NOTCH1: variants seen among roughly 807,000 people sequenced by gnomAD.
NOTCH1 encodes notch receptor 1.
In NOTCH1, 37 loss-of-function variants were observed where a neutral mutation model predicts 254.8. The ratio of observed to expected loss-of-function variants is 0.15; its 90% CI spans 0.11 to 0.19. The LOEUF (loss-of-function observed/expected upper bound fraction) is 0.19. Ranked by LOEUF, NOTCH1 falls within the 10% of genes least tolerant of loss-of-function variation. The probability of loss-of-function intolerance (pLI) is 1.00; values close to 1 mark genes in which losing one functional copy is unlikely to be tolerated. For synonymous variants in NOTCH1, 1,731 were observed against 1,618.1 expected (o/e 1.07, Z -1.68); for missense variants, 2,972 against 3,708.6 (o/e 0.80, Z 5.16).
Position 136,505,728 on chromosome 9 carries a change from G to T in NOTCH1, c.4168C>A (p.Pro1390Thr), listed in dbSNP as rs191645600. The T allele has an allele frequency of 1.1e-3, 1,818 of 1,595,712 alleles. 3 individuals are homozygous for T. The highest frequency in any genetic ancestry group is 1.5e-3 in the Non-Finnish European group (1,744 of 1,169,086). ...GPECQFPASSPCLGGNPCYNQ... is the reference protein window; with the variant it reads ...GPECQFPASSTCLGGNPCYNQ... ...TAGCAGGGGTTGCCGCCCAGGCAGG[G>T]GCTGCTGGCCGGGAACTGGCATTCG... is the stretch of plus-strand genomic sequence containing the variant. The change falls in exon 25 of 34, where the codon CCC (proline) becomes ACC (threonine). Residue 1390 changes from proline to threonine, a missense_variant. This residue lies in a region of NOTCH1 where 1,343 missense variants were observed against 1,557.0 expected (regional missense o/e 0.86). Transcript: ENST00000651671.
Position 136,497,258 on chromosome 9 carries a change from G to A in NOTCH1, c.6481C>T (p.Pro2161Ser), listed in dbSNP as rs201518848. The part of the protein sequence containing the change: ...PGVQGKKVRK[P>S]SSKGLACGSK... ...CCACAGGCCAGGCCTTTGCTGCTGG[G>A]CTTGCGGACCTTCTTGCCCTGCACG... The change falls in exon 34 of 34, where the codon CCC becomes TCC. Residue 2161 changes from proline (P) to serine (S), a missense_variant. Pro to Ser is a moderately conservative substitution (Grantham distance 74). Around this residue, in one of 8 missense-constraint regions of NOTCH1, gnomAD observed 529 missense variants for 529.2 expected, o/e 1.00. Coordinates refer to ENST00000651671, the MANE Select transcript of NOTCH1 (RefSeq NM_017617.5). 9.9e-5 allele frequency: 160 copies of A among 1,611,622 alleles called. No individual in the cohort carries two copies. Among genetic ancestry groups the A allele is most frequent in the Non-Finnish European group, 1.2e-4 (147 of 1,179,904 alleles).
At position 136,515,624 on chromosome 9, in the gene NOTCH1, T is replaced by C; in HGVS notation, c.1762A>G (p.Thr588Ala). ...GTGTAGCCTGGGCGGCAGAGGCAGG[T>C]GAAGGTGGCGACGCCGTCCTTGCAG... Reference protein sequence around the residue: ...GSCKDGVATFTCLCRPGYTGH... With the variant: ...GSCKDGVATFACLCRPGYTGH... The change falls in exon 11 of 34, where the codon ACC (threonine) becomes GCC (alanine). Residue 588 changes from threonine (T) to alanine (A), a missense_variant. Thr to Ala is a moderately conservative substitution (Grantham distance 58). Transcript: ENST00000651671. 6.2e-7 allele frequency: 1 copy of C among 1,602,950 alleles called. No homozygotes were observed. Among genetic ancestry groups the C allele is most frequent in the South Asian group, 1.1e-5 (1 of 90,378 alleles).
At chr9:136,519,713 C>A in intron 4 of NOTCH1, 148 bp from the exon 5 acceptor site, 1 of 1,094,590 alleles carries the variant, frequency 9.1e-7, no homozygotes, top group Non-Finnish European at 1.4e-6. Flanking sequence ...CCCTGCCTCA[C>A]TCCAGTGCCC....
At chr9:136,498,563 C>T (rs559637909) in intron 33 of NOTCH1, among the ~76,000 whole-genome samples, 123 of 152,182 alleles carry the variant, frequency 8.1e-4, no homozygotes, top group Non-Finnish European at 1.6e-3. Flanking sequence ...GTCCAGGTGA[C>T]GGTGACACAG....
rs772144212 is a variant in NOTCH1 at position 136,512,974 on chromosome 9, C to CAG, written c.2467+46_2467+47insCT. The CAG allele has an allele frequency of 7.2e-4, 506 of 705,838 alleles. 1 individual carries two copies. The highest frequency in any genetic ancestry group is 1.0e-3 in the South Asian group (67 of 65,964). 43.7% of individuals were successfully genotyped at this position (705,838 alleles called of 1,614,324 possible). A position where few individuals can be genotyped will look rare whatever the true frequency, so the allele number is the denominator to read the frequency against. On this transcript the variant is annotated intron_variant, in intron 15 of 33. Coordinates refer to ENST00000651671, the MANE Select transcript of NOTCH1 (RefSeq NM_017617.5). Reference sequence around the variant, plus strand: ...CTCTCCAGCACAGGTCCCGCCCCTCCCACATAGGCCCCGCCCCCTCCAGCA... The same window carrying CAG: ...CTCTCCAGCACAGGTCCCGCCCCTCCAGCACATAGGCCCCGCCCCCTCCAGCA...
chr9:136,501,699 G>A (rs753725875), intron 30 of NOTCH1, 49 bp downstream of exon 30: 23 of 1,601,766 alleles, frequency 1.4e-5, no homozygotes, highest in Non-Finnish European at 2.0e-5. Context: ...AGGGGAGAGA[G>A]GCAGGTGGGC....
chr9:136,507,628 G>C (rs1329242648), intron 21 of NOTCH1, among the ~76,000 whole-genome samples, 191 bp from the exon 22 acceptor site: 1 of 152,212 alleles, frequency 6.6e-6, no homozygotes, highest in Non-Finnish European at 1.5e-5. Flanking sequence ...CTCGGTGACC[G>C]GAGTCACTGC....
intron 2 of NOTCH1, among the ~76,000 whole-genome samples, chr9:136,536,694 C>T (rs1843662806): frequency 6.6e-6 from 1 of 152,238 alleles, no homozygotes; most frequent in Non-Finnish European, 1.5e-5. Flanking sequence ...CAGATGGGGT[C>T]CCACAGCACT....
rs1444447250 is a variant in NOTCH1, at chr9:136,495,909, A to G, written c.*162T>C. 3 of 743,346 alleles carry G rather than the reference A, an allele frequency of 4.0e-6. No individual in the cohort carries two copies. Among genetic ancestry groups the G allele is most frequent in the Non-Finnish European group, 6.3e-6 (3 of 478,788 alleles). 46.0% of individuals were successfully genotyped at this position (743,346 alleles called of 1,614,324 possible). A position where few individuals can be genotyped will look rare whatever the true frequency, so the allele number is the denominator to read the frequency against. On this transcript the variant is annotated 3_prime_UTR_variant, in exon 34 of 34. Coordinates refer to ENST00000651671, the MANE Select transcript of NOTCH1 (RefSeq NM_017617.5). ...AGGCAGTGTTTCTGTGTAAAATAAA[A>G]GTACATAAATAAATACTAAAAAAAA...
rs1842906328 is a variant in NOTCH1 at position 136,495,905 on chromosome 9, T to G, written c.*166A>C. 1.4e-6 allele frequency: 1 copy of G among 728,908 alleles called. No individual in the cohort carries two copies. The highest frequency in any genetic ancestry group is 2.8e-5 in the East Asian group (1 of 36,360). 45.2% of individuals were successfully genotyped at this position (728,908 alleles called of 1,614,324 possible). A position where few individuals can be genotyped will look rare whatever the true frequency, so the allele number is the denominator to read the frequency against. On this transcript the variant is annotated 3_prime_UTR_variant, in exon 34 of 34. Transcript: ENST00000651671. ...AAAAAGGCAGTGTTTCTGTGTAAAA[T>G]AAAAGTACATAAATAAATACTAAAA...
rs2133347807 is a variant in NOTCH1, at chr9:136,508,399, G to T, written c.3172-14C>A. 2 of 1,613,020 alleles carry T rather than the reference G, an allele frequency of 1.2e-6. No homozygotes were observed. Among genetic ancestry groups the T allele is most frequent in the Non-Finnish European group, 1.7e-6 (2 of 1,179,978 alleles). ...GTGCACAAGGTTCTGGGGACAGATTGGGGTCAGCTGGGTGCCCGCGCCCCG... is the reference window on the plus strand; with the variant it reads ...GTGCACAAGGTTCTGGGGACAGATTTGGGTCAGCTGGGTGCCCGCGCCCCG... On this transcript the variant is annotated splice_polypyrimidine_tract_variant and intron_variant, in intron 19 of 33. Transcript: ENST00000651671.
chr9:136,513,120 T>G lies in NOTCH1; in HGVS notation c.2368A>C (p.Thr790Pro). Residue 790 changes from threonine to proline, a missense_variant, in exon 15 of 34, where the codon ACC (threonine) becomes CCC (proline). Physicochemically the swap from Thr to Pro is conservative, Grantham distance 38. Transcript: ENST00000651671. The surrounding 1 kb of genome is among the most constrained non-coding windows in gnomAD (Gnocchi z 4.7). ...TTGGACGCACACTCGTTGATGTTGG[T>G]CTGGCAGTTGGGACCTGGAGGGAAG... ...REGFSGPNCQ[T>P]NINECASNPC... The G allele has an allele frequency of 6.2e-7, 1 of 1,612,682 alleles. No individual in the cohort carries two copies. The highest frequency in any genetic ancestry group is 8.5e-7 in the Non-Finnish European group (1 of 1,179,900).
Position 136,519,535 on chromosome 9 carries a change from A to G in NOTCH1, c.773T>C (p.Ile258Thr), listed in dbSNP as rs1217015143. 5.0e-6 allele frequency: 8 copies of G among 1,612,818 alleles called. No individual in the cohort carries two copies. In the Admixed American group the frequency reaches 6.7e-5, roughly 13 times the overall value. ...GCAGTTGTTTCCTGGACAATCGTCG[A>G]TATTTTCCTCACAGTTCTGGCCGGT... ...GFTGQNCEEN[I>T]DDCPGNNCKN... The change falls in exon 5 of 34, where the codon ATC becomes ACC. Residue 258 changes from isoleucine (I) to threonine (T), a missense_variant. Physicochemically the swap from Ile to Thr is moderately conservative, Grantham distance 89. Transcript: ENST00000651671.
rs1238603957 is a variant in NOTCH1, at chr9:136,523,117, C to G, written c.475G>C (p.Glu159Gln). The stretch of plus-strand genomic sequence containing the variant: ...GGGCAGTGGCAGATGTAGGAGGCCT[C>G]GAAGGGCAGGCACTGGCCACCGTTG... ...CANGGQCLPF[E>Q]ASYICHCPPS... Residue 159 changes from glutamate to glutamine, a missense_variant, in exon 4 of 34, where the codon GAG becomes CAG. Coordinates refer to ENST00000651671, the MANE Select transcript of NOTCH1 (RefSeq NM_017617.5). The G allele has an allele frequency of 6.2e-7, 1 of 1,602,912 alleles. No homozygotes were observed. Among genetic ancestry groups the G allele is most frequent in the Non-Finnish European group, 8.5e-7 (1 of 1,175,848 alleles).
At chr9:136,522,792 C>G (rs968521092) in intron 4 of NOTCH1, 58 bp downstream of exon 4, 14 of 1,423,236 alleles carry the variant, frequency 9.8e-6, no homozygotes, top group African/African-American at 2.9e-5. Context: ...CCGTTCCCAC[C>G]CCCTGGGCCT....
chr9:136,531,704 A>C (rs1843563255), intron 2 of NOTCH1, among the ~76,000 whole-genome samples: 1 of 152,216 alleles, frequency 6.6e-6, no homozygotes, highest in South Asian at 2.1e-4. Flanking sequence ...GACGAAGCCG[A>C]AGCCCACGCT....
chr9:136,502,309 GCTT>G lies in NOTCH1; in HGVS notation c.5344_5346del (p.Lys1782del). 5 of 1,612,434 alleles carry G rather than the reference GCTT, an allele frequency of 3.1e-6. No homozygotes were observed. Among genetic ancestry groups the G allele is most frequent in the Non-Finnish European group, 4.2e-6 (5 of 1,179,808 alleles). On this transcript the variant is annotated inframe_deletion, in exon 28 of 34. Transcript: ENST00000651671. ...GAGTCCTCGCCGAGGGGCTCCCGCC[GCTT>G]CTTCTTGCTGGCCTCAGACACTTTG...
At chr9:136,524,463 G>A (rs889105016) in intron 2 of NOTCH1, among the ~76,000 whole-genome samples, 3 of 152,160 alleles carry the variant, frequency 2.0e-5, no homozygotes, top group African/African-American at 7.2e-5. Flanking sequence ...TAGCTCCGTA[G>A]AGCCTCCGGG....
Position 136,519,579 on chromosome 9 carries a change from G to A in NOTCH1, c.743-14C>T, listed in dbSNP as rs536768165. On this transcript the variant is annotated splice_polypyrimidine_tract_variant and intron_variant, in intron 4 of 33. Transcript: ENST00000651671. Reference sequence around the variant, plus strand: ...GGCCGGTGAAGCCTGCCGCAAGAGGGGCCGGGTCAGCCTCTTCCCTGAGGT... The same window carrying A: ...GGCCGGTGAAGCCTGCCGCAAGAGGAGCCGGGTCAGCCTCTTCCCTGAGGT... 3.5e-4 allele frequency: 561 copies of A among 1,612,632 alleles called. 10 individuals are homozygous for A. The South Asian group carries it at 5.5e-3, about 16-fold the overall frequency.
Sources: allele counts gnomAD v4.1 joint callset (sites outside exome capture counted in the v4.1 genomes callset), GRCh38; gene constraint gnomAD v4.1.1; regional missense constraint gnomAD v4.1.1; non-coding constraint Gnocchi (gnomAD v3.1); transcripts MANE v1.5; gene names NCBI Gene and HGNC (gene_info 2026-07-23, HGNC 2026-07-21).